Variants in WDFY2 observed in about 807,000 individuals in gnomAD.
WDFY2 encodes the protein WD repeat and FYVE domain-containing protein 2.
In WDFY2, 36 loss-of-function variants were observed where a neutral mutation model predicts 56.4. The ratio of observed to expected loss-of-function variants is 0.64; its 90% CI spans 0.49 to 0.84. The LOEUF (loss-of-function observed/expected upper bound fraction) is 0.84, where lower values mean the gene tolerates loss of function less well. WDFY2 is among the 40% of genes least tolerant of loss of function. The probability of loss-of-function intolerance (pLI) is 0.00; values close to 1 mark genes in which losing one functional copy is unlikely to be tolerated. For missense variants in WDFY2, 444 were observed against 512.2 expected (o/e 0.87, Z 1.29); for synonymous variants, 176 against 183.7 (o/e 0.96, Z 0.34).
chr13:51,605,533 TTG>T (rs1469326307), intron 1 of WDFY2, among the ~76,000 whole-genome samples: 1 of 152,184 alleles, frequency 6.6e-6, no homozygotes, highest in Non-Finnish European at 1.5e-5. Context: ...TAGACATGGG[TTG>T]TATAAATATG....
intron 4 of WDFY2, among the ~76,000 whole-genome samples, chr13:51,705,143 A>G (rs1421409334): frequency 1.3e-5 from 2 of 152,208 alleles, no homozygotes; most frequent in Non-Finnish European, 2.9e-5. Context: ...GGCCTTGTCA[A>G]CAGCCAGTAA....
chr13:51,704,227 T>C (rs963202146), intron 4 of WDFY2, among the ~76,000 whole-genome samples: 1 of 152,216 alleles, frequency 6.6e-6, no homozygotes, highest in Non-Finnish European at 1.5e-5. Context: ...CAGCCTCTAC[T>C]TTAGTACCTC....
chr13:51,649,277 C>G (rs185326308), intron 1 of WDFY2, among the ~76,000 whole-genome samples: 1 of 152,176 alleles, frequency 6.6e-6, no homozygotes, highest in African/African-American at 2.4e-5. Flanking sequence ...GTGCTGGGAG[C>G]TTAGGAGAGA....
intron 3 of WDFY2, among the ~76,000 whole-genome samples, chr13:51,686,815 A>G (rs986884476): frequency 1.3e-5 from 2 of 152,076 alleles, no homozygotes; most frequent in Non-Finnish European, 2.9e-5. Context: ...TCTATTTTTC[A>G]GTATTGATTA....
intron 2 of WDFY2, among the ~76,000 whole-genome samples, chr13:51,663,704 T>C (rs1279753193): frequency 6.6e-6 from 1 of 152,228 alleles, no homozygotes; most frequent in African/African-American, 2.4e-5. Flanking sequence ...GGAATTGTTT[T>C]GTAGTCCTTC....
chr13:51,636,930 C>T (rs1005085272), intron 1 of WDFY2, among the ~76,000 whole-genome samples: 4 of 152,166 alleles, frequency 2.6e-5, no homozygotes, highest in African/African-American at 9.7e-5. Context: ...ATACCACATG[C>T]AAAAATGAAT....
chr13:51,682,642 A>G (rs1482864256), intron 3 of WDFY2, among the ~76,000 whole-genome samples: 2 of 152,152 alleles, frequency 1.3e-5, no homozygotes, highest in African/African-American at 4.8e-5. Context: ...TATCTGTAAA[A>G]TGGGAGTAAT....
chr13:51,692,121 C>A (rs1259497889), intron 3 of WDFY2, among the ~76,000 whole-genome samples: 1 of 152,184 alleles, frequency 6.6e-6, no homozygotes, highest in Non-Finnish European at 1.5e-5. Flanking sequence ...TCTAGATATA[C>A]AATCATGTCA....
intron 2 of WDFY2, among the ~76,000 whole-genome samples, chr13:51,673,233 A>G (rs375544521): frequency 7.9e-5 from 12 of 152,258 alleles, no homozygotes; most frequent in African/African-American, 2.9e-4. Flanking sequence ...GTTGTAAAAA[A>G]GTATTTTAAA....
At chr13:51,728,437 G>A (rs1952651522) in intron 6 of WDFY2, among the ~76,000 whole-genome samples, 1 of 152,118 alleles carries the variant, frequency 6.6e-6, no homozygotes, top group East Asian at 1.9e-4. Flanking sequence ...TAGTTTTAAC[G>A]TGTACTATTG....
At chr13:51,721,444 T>G (rs1319010138) in intron 5 of WDFY2, among the ~76,000 whole-genome samples, 3 of 152,268 alleles carry the variant, frequency 2.0e-5, no homozygotes, top group East Asian at 3.9e-4. Context: ...AAAAAACAAA[T>G]GGACAATGTC....
intron 3 of WDFY2, among the ~76,000 whole-genome samples, chr13:51,698,597 C>T (rs375642117): frequency 6.6e-6 from 1 of 152,104 alleles, no homozygotes; most frequent in Non-Finnish European, 1.5e-5. Context: ...TATTAATACA[C>T]GTGTATCCCA....
intron 11 of WDFY2, among the ~76,000 whole-genome samples, chr13:51,759,223 C>G (rs1283284045): frequency 6.6e-6 from 1 of 152,162 alleles, no homozygotes; most frequent in African/African-American, 2.4e-5. Context: ...CTGGCAGCCT[C>G]AGGTCCTTTA....
chr13:51,594,745 A>G (rs1045873678), intron 1 of WDFY2, among the ~76,000 whole-genome samples: 8 of 152,182 alleles, frequency 5.3e-5, no homozygotes, highest in African/African-American at 1.9e-4. Flanking sequence ...CGTGTCTGCA[A>G]ATTGGGAGTA....
intron 1 of WDFY2, among the ~76,000 whole-genome samples, chr13:51,639,005 CAG>C (rs1294982122): frequency 1.3e-5 from 2 of 152,138 alleles, no homozygotes; most frequent in African/African-American, 2.4e-5. Context: ...GGCTAATAAA[CAG>C]AAGTTTCTGT....
At position 51,693,208 on chromosome 13, in the gene WDFY2, T is replaced by A. The variant is rs576593726; in HGVS notation, c.280-10388T>A. On this transcript the variant is annotated intron_variant, in intron 3 of 11. Transcript: ENST00000298125. Reference sequence around the variant, plus strand: ...TCTCTATTTCCTTCATTTTAGTTATTTCTTGCCTTCTGCTAGCTTTTGAAT... The same window carrying A: ...TCTCTATTTCCTTCATTTTAGTTATATCTTGCCTTCTGCTAGCTTTTGAAT... Among the ~76,000 whole-genome samples, 34 of 151,990 alleles carry A rather than the reference T, an allele frequency of 2.2e-4. 1 individual carries two copies. Among genetic ancestry groups the A allele is most frequent in the African/African-American group, 8.2e-4 (34 of 41,502 alleles).
chr13:51,749,860 A>G (rs923980610), intron 7 of WDFY2, among the ~76,000 whole-genome samples: 8 of 152,184 alleles, frequency 5.3e-5, no homozygotes, highest in African/African-American at 1.9e-4. Context: ...GCTACAAAAC[A>G]TAATTGCTAT....
chr13:51,700,922 G>A (rs1015941805), intron 3 of WDFY2, among the ~76,000 whole-genome samples: 2 of 151,896 alleles, frequency 1.3e-5, no homozygotes, highest in African/African-American at 2.4e-5. Flanking sequence ...GGCCAAGATC[G>A]CACCATTGCA....
chr13:51,636,027 C>T (rs1459055116), intron 1 of WDFY2, among the ~76,000 whole-genome samples: 1 of 152,104 alleles, frequency 6.6e-6, no homozygotes, highest in Non-Finnish European at 1.5e-5. Flanking sequence ...GAAGGAATGC[C>T]CACCGGAAGT....
Sources: allele counts gnomAD v4.1 joint callset (sites outside exome capture counted in the v4.1 genomes callset), GRCh38; gene constraint gnomAD v4.1.1; transcripts MANE v1.5; gene names NCBI Gene and HGNC (gene_info 2026-07-23, HGNC 2026-07-21).